Variants in NFIB observed in about 807,000 individuals in gnomAD.
NFIB encodes the protein nuclear factor 1 B-type.
In NFIB, 11 loss-of-function variants were observed where a neutral mutation model predicts 61.5. The ratio of observed to expected loss-of-function variants is 0.18; its 90% confidence interval spans 0.11 to 0.30. The LOEUF (loss-of-function observed/expected upper bound fraction) is 0.30, where lower values mean the gene tolerates loss of function less well. Among genes scored for constraint, NFIB ranks in the 10% least tolerant of loss-of-function variants. The pLI, the probability that NFIB is intolerant of heterozygous loss-of-function variation, is 1.00. For synonymous variants in NFIB, 260 were observed against 216.5 expected, an observed-to-expected ratio of 1.20 and a Z score of -1.76; for missense variants, 471 against 608.9, an observed-to-expected ratio of 0.77 and a Z score of 2.38.
chr9:14,174,174 T>TA (rs201674388), intron 3 of NFIB, among the ~76,000 whole-genome samples: 8,760 of 152,012 alleles, frequency 0.058, 758 homozygotes, highest in African/African-American at 0.19. Context: ...ACAAAATACA[T>TA]TAAAAAAAAA....
chr9:14,369,664 G>A (rs1429026947), intron 1 of NFIB, among the ~76,000 whole-genome samples: 1 of 152,128 alleles, frequency 6.6e-6, no homozygotes, highest in Non-Finnish European at 1.5e-5. Context: ...TAGAGATTTT[G>A]GACCCAACTT....
chr9:14,162,177 T>A (rs189854346), intron 3 of NFIB, among the ~76,000 whole-genome samples: 407 of 152,016 alleles, frequency 2.7e-3, no homozygotes, highest in Non-Finnish European at 3.9e-3. Context: ...AGCAGGAAAT[T>A]TTTTTCCTAA....
chr9:14,449,236 A>C, the NFIB span, among the ~76,000 whole-genome samples: 1 of 152,230 alleles, frequency 6.6e-6, no homozygotes, highest in Middle Eastern at 3.2e-3. Flanking sequence ...CCAAAGTCTC[A>C]TAATTCCCCC....
At chr9:14,426,741 C>T in the NFIB span, among the ~76,000 whole-genome samples, 1 of 152,146 alleles carries the variant, frequency 6.6e-6, no homozygotes, top group Non-Finnish European at 1.5e-5. Flanking sequence ...CCATTTGTAT[C>T]CTCCTTCTCT....
chr9:14,392,717 TC>T (rs370291007), intron 1 of NFIB, among the ~76,000 whole-genome samples: 10,382 of 150,130 alleles, frequency 0.069, 1,048 homozygotes, highest in African/African-American at 0.23. Flanking sequence ...AGACCTTGTC[TC>T]AAAAAAAAAA....
chr9:14,216,322 G>C (rs542613419), intron 2 of NFIB, among the ~76,000 whole-genome samples: 1 of 152,102 alleles, frequency 6.6e-6, no homozygotes, highest in East Asian at 1.9e-4. Flanking sequence ...GCATTAACAT[G>C]GTGGCATGTA....
chr9:14,360,252 C>A lies in NFIB; in HGVS notation c.108+38272G>T, dbSNP rs958430091. Among the ~76,000 whole-genome samples the A allele has an allele frequency of 1.3e-5, 2 of 152,176 alleles. 1 individual carries two copies. The highest frequency in any genetic ancestry group is 4.8e-5 in the African/African-American group (2 of 41,430). ...AAAGCATTCGATTCAGGACAGATAT[C>A]CATCTATTTAAGAGCTTACAATTTA... On this transcript the variant is annotated intron_variant, in intron 1 of 8. Transcript: ENST00000380934.
intron 1 of NFIB, among the ~76,000 whole-genome samples, chr9:14,391,071 G>C (rs1281219606): frequency 6.6e-6 from 1 of 152,146 alleles, no homozygotes; most frequent in Non-Finnish European, 1.5e-5. Flanking sequence ...CAAAAAGGTG[G>C]AATATAACTC....
intron 2 of NFIB, among the ~76,000 whole-genome samples, chr9:14,260,389 C>T (rs1227129438): frequency 6.6e-6 from 1 of 152,150 alleles, no homozygotes; most frequent in Admixed American, 6.5e-5. Context: ...GACAAAATTG[C>T]TTTTCAGTCA....
At chr9:14,371,074 G>A (rs776932709) in intron 1 of NFIB, among the ~76,000 whole-genome samples, 1 of 152,162 alleles carries the variant, frequency 6.6e-6, no homozygotes, top group Non-Finnish European at 1.5e-5. Flanking sequence ...CAGCCTGGGT[G>A]ATAGAGCGAG....
intron 6 of NFIB, among the ~76,000 whole-genome samples, chr9:14,132,651 T>C (rs2130956217): frequency 6.6e-6 from 1 of 152,190 alleles, no homozygotes; most frequent in South Asian, 2.1e-4. Context: ...CACTGCAGCC[T>C]CAAACTCCTG....
At chr9:14,504,035 T>C in the NFIB span, among the ~76,000 whole-genome samples, 3 of 152,222 alleles carry the variant, frequency 2.0e-5, no homozygotes, top group African/African-American at 7.2e-5. Flanking sequence ...CTTCTACATG[T>C]GGTTTGCCAA....
chr9:14,159,864 C>G (rs1170093765), intron 3 of NFIB, among the ~76,000 whole-genome samples: 3 of 152,122 alleles, frequency 2.0e-5, no homozygotes, highest in Non-Finnish European at 4.4e-5. Flanking sequence ...GGTCCTTGGG[C>G]CTTTCAGGAA....
intron 3 of NFIB, among the ~76,000 whole-genome samples, chr9:14,160,842 A>AC (rs1003261324): frequency 1.9e-4 from 29 of 149,932 alleles, no homozygotes; most frequent in Non-Finnish European, 3.6e-4. Flanking sequence ...AAAAAAAAAA[A>AC]AAAAAAAAAC....
intron 1 of NFIB, among the ~76,000 whole-genome samples, chr9:14,391,592 G>T (rs2382472): frequency 0.062 from 9,358 of 152,124 alleles, 482 homozygotes; most frequent in East Asian, 0.32. Context: ...CAGGAACCAT[G>T]GACTGGTAAG....
the NFIB span, among the ~76,000 whole-genome samples, chr9:14,405,264 C>T: frequency 2.0e-5 from 3 of 152,264 alleles, no homozygotes; most frequent in East Asian, 3.9e-4. Context: ...AGCCTCCTCA[C>T]CAATTAGATT....
chr9:14,406,152 T>G, the NFIB span, among the ~76,000 whole-genome samples: 404 of 152,306 alleles, frequency 2.7e-3, 2 homozygotes, highest in African/African-American at 9.2e-3. Context: ...CCAGGAGCTA[T>G]GAAGACCAAT....
At chr9:14,100,662 C>A (rs1012607398) in intron 10 of NFIB, among the ~76,000 whole-genome samples, 1 of 152,176 alleles carries the variant, frequency 6.6e-6, no homozygotes, top group African/African-American at 2.4e-5. Flanking sequence ...TGCAGTGAGC[C>A]GAGATTGCGC....
the NFIB span, among the ~76,000 whole-genome samples, chr9:14,454,988 A>C: frequency 6.6e-5 from 10 of 152,244 alleles, no homozygotes; most frequent in African/African-American, 2.4e-4. Flanking sequence ...GAGTGGGAAT[A>C]GGTATGTAAT....
Sources: allele counts gnomAD v4.1 joint callset (sites outside exome capture counted in the v4.1 genomes callset), GRCh38; gene constraint gnomAD v4.1.1; transcripts MANE v1.5; gene names NCBI Gene and HGNC (gene_info 2026-07-23, HGNC 2026-07-21).